Variants in MAOB observed in about 807,000 individuals in gnomAD.
The protein encoded by MAOB is amine oxidase [flavin-containing] B.
Under a neutral mutation model 41.9 loss-of-function variants are expected in MAOB, and 15 were observed. The observed-to-expected ratio is 0.36, with a 90% CI of 0.24 to 0.55. MAOB has a LOEUF of 0.55. Ranked by LOEUF, MAOB falls within the 20% of genes least tolerant of loss-of-function variation. MAOB has a pLI of 0.86. For missense variants in MAOB, 345 were observed against 398.7 expected (o/e 0.87, Z 1.15); for synonymous variants, 167 against 144.2 (o/e 1.16, Z -1.13).
At chrX:43,831,985 C>A (rs193091016) in intron 3 of MAOB, among the ~76,000 whole-genome samples, 2 of 111,561 alleles carry the variant, frequency 1.8e-5, no homozygotes, top group East Asian at 5.6e-4. Flanking sequence ...GATTGTAATT[C>A]TTCCAATTGT....
At chrX:43,771,163 C>T (rs940329223) in intron 12 of MAOB, among the ~76,000 whole-genome samples, 5 of 111,936 alleles carry the variant, frequency 4.5e-5, no homozygotes, top group East Asian at 2.8e-4. Flanking sequence ...TGGTCTCCAA[C>T]GTATAATTGT....
chrX:43,857,153 AGAGAGAGAGAGAAGAAG>A (rs1569230940), intron 1 of MAOB, among the ~76,000 whole-genome samples: 18 of 60,852 alleles, frequency 3.0e-4, no homozygotes, highest in Non-Finnish European at 4.6e-4. Context: ...AGAGAGAGAG[AGAGAGAGAGAGAAGAAG>A]AGAGAGAGAG....
intron 8 of MAOB, among the ~76,000 whole-genome samples, chrX:43,783,678 A>G (rs1446005527): frequency 8.9e-6 from 1 of 112,118 alleles, no homozygotes; most frequent in East Asian, 2.8e-4. Context: ...GCTTGCTTCA[A>G]TGTTGATGGC....
At chrX:43,825,094 A>T (rs1480508990) in intron 3 of MAOB, among the ~76,000 whole-genome samples, 1 of 112,574 alleles carries the variant, frequency 8.9e-6, no homozygotes, top group African/African-American at 3.2e-5. Context: ...CATGAGAACC[A>T]TCTGTGTTCA....
At chrX:43,812,218 A>G (rs1402447439) in intron 3 of MAOB, among the ~76,000 whole-genome samples, 1 of 112,353 alleles carries the variant, frequency 8.9e-6, no homozygotes, top group Non-Finnish European at 1.9e-5. Flanking sequence ...GTGTATATGT[A>G]CCGCATTTCG....
At chrX:43,862,156 T>C (rs1178526367) in intron 1 of MAOB, among the ~76,000 whole-genome samples, 3 of 112,104 alleles carry the variant, frequency 2.7e-5, no homozygotes, top group African/African-American at 9.7e-5. Flanking sequence ...CAACATTTTA[T>C]ATGTCTTTAG....
At chrX:43,836,574 A>T (rs755440234) in intron 3 of MAOB, among the ~76,000 whole-genome samples, 1 of 112,236 alleles carries the variant, frequency 8.9e-6, no homozygotes, top group South Asian at 3.7e-4. Context: ...TGTGCATACA[A>T]TTTCTTAAAA....
At chrX:43,872,206 A>T (rs1365727702) in intron 1 of MAOB, among the ~76,000 whole-genome samples, 4 of 112,258 alleles carry the variant, frequency 3.6e-5, no homozygotes. Context: ...AATGGTAGGC[A>T]TAACGTAGTA....
At chrX:43,792,461 T>C (rs376867083) in intron 8 of MAOB, among the ~76,000 whole-genome samples, 299 of 111,754 alleles carry the variant, frequency 2.7e-3, no homozygotes, top group African/African-American at 9.0e-3. Context: ...AGGTCTAATA[T>C]CCAGAATCTA....
intron 5 of MAOB, among the ~76,000 whole-genome samples, chrX:43,801,052 T>C (rs766040794): frequency 9.1e-5 from 10 of 109,650 alleles, no homozygotes; most frequent in African/African-American, 3.3e-4. Flanking sequence ...CTTTTAAAAA[T>C]AATGCTTTGA....
chrX:43,804,581 A>G (rs1159970552), intron 3 of MAOB, among the ~76,000 whole-genome samples: 1 of 111,693 alleles, frequency 9.0e-6, no homozygotes, highest in African/African-American at 3.3e-5. Flanking sequence ...AGAAACAGAG[A>G]AAGAGAGAAG....
chrX:43,783,481 T>C (rs1276137940), intron 8 of MAOB, among the ~76,000 whole-genome samples: 1 of 112,389 alleles, frequency 8.9e-6, no homozygotes, highest in African/African-American at 3.2e-5. Context: ...ATAAAGCAAA[T>C]TGTGTCACGT....
intron 8 of MAOB, among the ~76,000 whole-genome samples, chrX:43,783,444 G>T (rs1410274921): frequency 4.5e-5 from 5 of 112,037 alleles, no homozygotes; most frequent in Non-Finnish European, 1.9e-5. Context: ...TTTCATTTCA[G>T]ATAATGGAAA....
chrX:43,845,438 T>A (rs1486539321), intron 1 of MAOB, among the ~76,000 whole-genome samples: 1 of 112,588 alleles, frequency 8.9e-6, no homozygotes, highest in Non-Finnish European at 1.9e-5. Flanking sequence ...TTCTAAGTGT[T>A]TTAATAAATT....
intron 1 of MAOB, among the ~76,000 whole-genome samples, chrX:43,850,039 A>G (rs2147170274): frequency 8.9e-6 from 1 of 111,971 alleles, no homozygotes; most frequent in East Asian, 2.8e-4. Context: ...CACGCATTCA[A>G]TCCTTAACAA....
chrX:43,871,847 A>G (rs1243942138), intron 1 of MAOB, among the ~76,000 whole-genome samples: 2 of 110,554 alleles, frequency 1.8e-5, no homozygotes, highest in Non-Finnish European at 3.8e-5. Flanking sequence ...GGCACAGCAT[A>G]AAAGGGCTAT....
chrX:43,821,013 G>A lies in MAOB; in HGVS notation c.280-17609C>T, dbSNP rs1238161583. Among the ~76,000 whole-genome samples the A allele has an allele frequency of 2.7e-5, 3 of 111,740 alleles. No homozygotes were observed. The Admixed American group carries it at 2.8e-4, about 11-fold the overall frequency. ...GTAGGTACTAATACCTACCTCCAGG[G>A]CTGTGGCAAAGATTAAATGAGATCA... On this transcript the variant is annotated intron_variant, in intron 3 of 14. Coordinates refer to ENST00000378069, the MANE Select transcript of MAOB (RefSeq NM_000898.5).
chrX:43,867,962 TA>T (rs775060638), intron 1 of MAOB, among the ~76,000 whole-genome samples: 14 of 112,466 alleles, frequency 1.2e-4, no homozygotes, highest in Non-Finnish European at 2.3e-4. Context: ...ATTTCTTTTT[TA>T]AAATCCCTTT....
chrX:43,858,234 C>G (rs751417393), intron 1 of MAOB, among the ~76,000 whole-genome samples: 2 of 111,657 alleles, frequency 1.8e-5, no homozygotes, highest in East Asian at 2.8e-4. Flanking sequence ...AAATCCTACT[C>G]ATTTTCCCAG....
Sources: gnomAD v4.1 joint callset for allele counts (sites outside exome capture counted in the v4.1 genomes callset) on GRCh38, gnomAD v4.1.1 for gene constraint, MANE v1.5 for transcripts, NCBI Gene and HGNC (gene_info 2026-07-23, HGNC 2026-07-21) for gene names.